Variants in MTMR8 observed in about 807,000 individuals in gnomAD.
MTMR8 encodes phosphatidylinositol-3,5-bisphosphate 3-phosphatase MTMR8.
In MTMR8, 65 loss-of-function variants were observed where a neutral mutation model predicts 39.3. The observed-to-expected ratio is 1.65, with a 90% CI of 1.35 to 2.03. MTMR8 has a LOEUF of 2.03. MTMR8 is among the 30% of genes most tolerant of loss of function. The pLI is 0.00. For missense variants in MTMR8, 777 were observed against 538.9 expected, an observed-to-expected ratio of 1.44 and a Z score of -4.37; for synonymous variants, 245 against 185.2, an observed-to-expected ratio of 1.32 and a Z score of -2.62.
intron 1 of MTMR8, among the ~76,000 whole-genome samples, chrX:64,386,822 T>C (rs1009682369): frequency 1.8e-5 from 2 of 110,513 alleles, no homozygotes; most frequent in African/African-American, 6.6e-5. Context: ...AGTAGGAGGA[T>C]TGCTTGGGCC....
chrX:64,286,145 T>A (rs1921165035), intron 12 of MTMR8, among the ~76,000 whole-genome samples: 1 of 111,725 alleles, frequency 9.0e-6, no homozygotes, highest in Admixed American at 9.5e-5. Flanking sequence ...AAAGGGGATG[T>A]CACCACTGTT....
chrX:64,270,848 C>G, intron 13 of MTMR8, 99 bp downstream of exon 13: 1 of 991,822 alleles, frequency 1.0e-6, no homozygotes, highest in Non-Finnish European at 1.3e-6. Flanking sequence ...TATAAAAAAG[C>G]CAGCCAGTCA....
chrX:64,292,886 T>C lies in MTMR8; in HGVS notation c.1482-21813A>G, dbSNP rs748982842. Among the ~76,000 whole-genome samples the C allele has an allele frequency of 5.4e-5, 6 of 111,553 alleles. No individual in the cohort carries two copies. The South Asian group carries it at 2.3e-3, about 43-fold the overall frequency. ...TATCCCGCATAATAAGCATGGAAGG[T>C]AGGAGTGACCCTCAAAAGAGGCTTT... On this transcript the variant is annotated intron_variant, in intron 12 of 13. Transcript: ENST00000374852.
At position 64,369,451 on chromosome X, in the gene MTMR8, C is replaced by A. The variant is rs1212758018; in HGVS notation, c.25-9924G>T. ...ATGCAGCCATAAAAACGGCTGAGTT[C>A]ATGTCCTTTGCAGGGACATGGATGA... is the stretch of plus-strand genomic sequence containing the variant. On this transcript the variant is annotated intron_variant, in intron 1 of 13. Transcript: ENST00000374852. Among the ~76,000 whole-genome samples the A allele has an allele frequency of 3.6e-5, 4 of 111,506 alleles. No homozygotes were observed. The South Asian group carries it at 1.1e-3, about 32-fold the overall frequency.
chrX:64,382,394 GCTCT>G (rs760094557), intron 1 of MTMR8, among the ~76,000 whole-genome samples: 6 of 111,123 alleles, frequency 5.4e-5, no homozygotes, highest in East Asian at 2.8e-4. Flanking sequence ...TCATGATTTG[GCTCT>G]CTATTTGTCT....
At position 64,336,126 on chromosome X, in the gene MTMR8, G is replaced by T; in HGVS notation, c.1104C>A (p.Ile368=). 8.5e-7 allele frequency: 1 copy of T among 1,179,280 alleles called. No homozygotes were observed. Among genetic ancestry groups the T allele is most frequent in the Non-Finnish European group, 1.1e-6 (1 of 874,470 alleles). ...TGGATATCCATTCCTTCTCTATCAA[G>T]ATCTTCATTTTATAGAAAAGAAAGT... ...PFYRTFKGLM[I]LIEKEWISMG... is the part of the protein sequence containing the mutation. Residue 368 remains isoleucine (I), a splice_region_variant and synonymous_variant, in exon 10 of 14, where the codon ATC becomes ATA. Coordinates refer to ENST00000374852, the MANE Select transcript of MTMR8 (RefSeq NM_017677.4).
chrX:64,287,880 C>T (rs1303123106), intron 12 of MTMR8, among the ~76,000 whole-genome samples: 1 of 105,307 alleles, frequency 9.5e-6, no homozygotes, highest in African/African-American at 3.4e-5. Context: ...AAAACCTAGA[C>T]AATACCTTTC....
intron 12 of MTMR8, among the ~76,000 whole-genome samples, chrX:64,292,361 C>G (rs915752181): frequency 9.0e-6 from 1 of 111,511 alleles, no homozygotes; most frequent in African/African-American, 3.3e-5. Context: ...TTCCAGGACA[C>G]CAAAGGAAGT....
chrX:64,321,781 T>C (rs1922652767), intron 12 of MTMR8, among the ~76,000 whole-genome samples: 1 of 112,357 alleles, frequency 8.9e-6, no homozygotes, highest in African/African-American at 3.2e-5. Context: ...ATGAATATAG[T>C]ATTACCTGTG....
At chrX:64,278,751 C>G (rs1931940213) in intron 12 of MTMR8, among the ~76,000 whole-genome samples, 1 of 110,952 alleles carries the variant, frequency 9.0e-6, no homozygotes, top group Non-Finnish European at 1.9e-5. Flanking sequence ...GGATTACAGG[C>G]ATGAGCCACC....
At chrX:64,316,819 T>C (rs1490560418) in intron 12 of MTMR8, among the ~76,000 whole-genome samples, 1 of 110,291 alleles carries the variant, frequency 9.1e-6, no homozygotes, top group East Asian at 2.9e-4. Context: ...CTGCTTTCAA[T>C]AGTTTGTTAG....
At chrX:64,291,024 A>G (rs769196193) in intron 12 of MTMR8, among the ~76,000 whole-genome samples, 1 of 111,668 alleles carries the variant, frequency 9.0e-6, no homozygotes, top group South Asian at 3.7e-4. Context: ...TTGCATATTC[A>G]ATTTTTTAGA....
intron 12 of MTMR8, among the ~76,000 whole-genome samples, chrX:64,311,292 G>A (rs1053982740): frequency 8.9e-6 from 1 of 111,808 alleles, no homozygotes; most frequent in Admixed American, 9.5e-5. Flanking sequence ...CTGCATAAAT[G>A]TCTTCTTTTG....
Position 64,345,152 on chromosome X carries a change from G to T in MTMR8, c.758C>A (p.Ala253Asp). 8.3e-7 allele frequency: 1 copy of T among 1,211,067 alleles called. No homozygotes were observed. Among genetic ancestry groups the T allele is most frequent in the Non-Finnish European group, 1.1e-6 (1 of 895,013 alleles). The change falls in exon 7 of 14, where the codon GCT becomes GAT. Residue 253 changes from alanine (A) to aspartate (D), a missense_variant. Ala to Asp is a moderately radical substitution (Grantham distance 126, BLOSUM62 -2). Transcript: ENST00000374852. ...PKLNAMANRA[A>D]GKGYENEDNY... The stretch of plus-strand genomic sequence containing the variant: ...GTCTTCATTTTCATACCCCTTCCCA[G>T]CTGCTCGGTTGGCCATGGCATTCAA...
rs747977269 is a variant in MTMR8, at chrX:64,366,596, C to G, written c.25-7069G>C. On this transcript the variant is annotated intron_variant, in intron 1 of 13. Transcript: ENST00000374852. ...ACAATGTAACAGAATCTCTGGGACA[C>G]ATTTAAAGCAGTGTGTAGAGGGAAA... Among the ~76,000 whole-genome samples the G allele has an allele frequency of 2.7e-5, 3 of 112,109 alleles. No individual in the cohort carries two copies. In the South Asian group the frequency reaches 1.1e-3, roughly 42 times the overall value.
Position 64,331,687 on chromosome X carries a change from G to T in MTMR8, c.1222C>A (p.Gln408Lys). Residue 408 changes from glutamine to lysine, a missense_variant, in exon 11 of 14, where the codon CAA becomes AAA. Coordinates refer to ENST00000374852, the MANE Select transcript of MTMR8 (RefSeq NM_017677.4). ...IFTQFLDCIW[Q>K]LMEQFPCAFE... ...GCACAGGGAAACTGTTCCATTAATT[G>T]CCAGATACAGTCTAGGAACTGGGTG... is the stretch of plus-strand genomic sequence containing the variant. The T allele has an allele frequency of 8.3e-7, 1 of 1,210,372 alleles. No homozygotes were observed. Among genetic ancestry groups the T allele is most frequent in the Non-Finnish European group, 1.1e-6 (1 of 894,527 alleles).
intron 12 of MTMR8, among the ~76,000 whole-genome samples, chrX:64,295,613 C>T (rs957681196): frequency 9.0e-6 from 1 of 110,890 alleles, no homozygotes; most frequent in Non-Finnish European, 1.9e-5. Flanking sequence ...AAAACTCAAC[C>T]ACAAAAAACA....
chrX:64,278,046 C>A (rs921293039), intron 12 of MTMR8, among the ~76,000 whole-genome samples: 3 of 108,787 alleles, frequency 2.8e-5, no homozygotes, highest in African/African-American at 1.0e-4. Flanking sequence ...GTATGCTTCA[C>A]AAAGTTCTCG....
At chrX:64,331,000 A>G (rs1178787047) in intron 11 of MTMR8, among the ~76,000 whole-genome samples, 1 of 111,597 alleles carries the variant, frequency 9.0e-6, no homozygotes, top group African/African-American at 3.3e-5. Context: ...AAAGACTACA[A>G]ATTGGGTTCA....
Sources: gnomAD v4.1 joint callset for allele counts (sites outside exome capture counted in the v4.1 genomes callset) on GRCh38, gnomAD v4.1.1 for gene constraint, MANE v1.5 for transcripts, NCBI Gene and HGNC (gene_info 2026-07-23, HGNC 2026-07-21) for gene names.